Variants in NRXN1 observed in about 807,000 individuals in gnomAD.
The protein encoded by NRXN1 is neurexin-1.
A neutral mutation model predicts 150.9 loss-of-function variants in NRXN1; 39 were observed. The ratio of observed to expected loss-of-function variants is 0.26; its 90% CI spans 0.20 to 0.34. NRXN1 has a LOEUF of 0.34. Among genes scored for constraint, NRXN1 ranks in the 10% least tolerant of loss-of-function variants. The pLI is 1.00. For missense variants in NRXN1, 1,815 were observed against 1,949.9 expected, an observed-to-expected ratio of 0.93 and a Z score of 1.30; for synonymous variants, 924 against 757.0, an observed-to-expected ratio of 1.22 and a Z score of -3.62.
intron 8 of NRXN1, among the ~76,000 whole-genome samples, chr2:50,609,636 G>C (rs1388460990): frequency 1.3e-5 from 2 of 152,012 alleles, no homozygotes; most frequent in African/African-American, 4.8e-5. Context: ...TTGGAATCTG[G>C]GAGTGTCTGA....
intron 17 of NRXN1, among the ~76,000 whole-genome samples, chr2:50,419,448 T>G (rs1018484080): frequency 5.3e-5 from 8 of 152,208 alleles, no homozygotes; most frequent in African/African-American, 1.9e-4. Context: ...TAAAAGTATT[T>G]CTTGCTAATA....
chr2:50,420,049 G>T (rs1199949515), intron 17 of NRXN1, among the ~76,000 whole-genome samples: 1 of 151,948 alleles, frequency 6.6e-6, no homozygotes, highest in Non-Finnish European at 1.5e-5. Flanking sequence ...TTTGGGGAAG[G>T]AATAAAAGAG....
chr2:51,020,640 G>A (rs900825170), intron 2 of NRXN1, among the ~76,000 whole-genome samples: 1 of 151,916 alleles, frequency 6.6e-6, no homozygotes, highest in Non-Finnish European at 1.5e-5. Context: ...AATCTGTGAA[G>A]TAGGCTGGCA....
At chr2:50,178,056 A>C (rs1471375439) in intron 18 of NRXN1, among the ~76,000 whole-genome samples, 1 of 152,078 alleles carries the variant, frequency 6.6e-6, no homozygotes, top group East Asian at 1.9e-4. Flanking sequence ...TAGAAGATAC[A>C]TGTATTCTCT....
chr2:50,762,525 C>A (rs776658110), intron 5 of NRXN1, among the ~76,000 whole-genome samples: 2 of 151,706 alleles, frequency 1.3e-5, no homozygotes, highest in African/African-American at 4.8e-5. Context: ...CTGTGTCTAC[C>A]GTTGTCATCT....
At chr2:50,735,867 T>C (rs1698676011) in intron 5 of NRXN1, among the ~76,000 whole-genome samples, 1 of 152,170 alleles carries the variant, frequency 6.6e-6, no homozygotes, top group Non-Finnish European at 1.5e-5. Context: ...CAACTTTCCA[T>C]TTTTACTACC....
At chr2:50,409,955 C>G (rs1432912892) in intron 17 of NRXN1, among the ~76,000 whole-genome samples, 1 of 152,142 alleles carries the variant, frequency 6.6e-6, no homozygotes, top group Non-Finnish European at 1.5e-5. Flanking sequence ...TATTTTCAAG[C>G]CTTCCCTAAA....
chr2:50,569,652 T>C (rs567652437), intron 8 of NRXN1, among the ~76,000 whole-genome samples: 4 of 152,262 alleles, frequency 2.6e-5, no homozygotes, highest in Admixed American at 1.3e-4. Flanking sequence ...TTCACCCGTC[T>C]ACAGGCCAAA....
chr2:50,904,368 T>C (rs773002814), intron 5 of NRXN1, among the ~76,000 whole-genome samples: 9 of 152,304 alleles, frequency 5.9e-5, no homozygotes, highest in Non-Finnish European at 1.0e-4. Context: ...AAAAGGTATC[T>C]TGAAATCCCT....
chr2:50,681,077 G>A (rs1323121423), intron 5 of NRXN1, among the ~76,000 whole-genome samples: 3 of 152,088 alleles, frequency 2.0e-5, no homozygotes, highest in Non-Finnish European at 4.4e-5. Flanking sequence ...TCTACCAACA[G>A]CCAAGACATT....
chr2:50,417,998 A>C (rs535225415), intron 17 of NRXN1, among the ~76,000 whole-genome samples: 1 of 152,176 alleles, frequency 6.6e-6, no homozygotes, highest in African/African-American at 2.4e-5. Context: ...CAGAAAAATA[A>C]AATGACCAAA....
At chr2:50,971,721 T>A (rs1282583232) in intron 2 of NRXN1, among the ~76,000 whole-genome samples, 1 of 152,184 alleles carries the variant, frequency 6.6e-6, no homozygotes, top group Non-Finnish European at 1.5e-5. Context: ...TTTTATGACA[T>A]TTACACCTTT....
intron 2 of NRXN1, among the ~76,000 whole-genome samples, chr2:50,971,021 A>G (rs1694909771): frequency 6.6e-6 from 1 of 152,156 alleles, no homozygotes; most frequent in South Asian, 2.1e-4. Context: ...AGGTGACTTT[A>G]AAATTGTTGC....
intron 21 of NRXN1, among the ~76,000 whole-genome samples, chr2:49,958,699 C>A (rs982057248): frequency 6.6e-6 from 1 of 152,086 alleles, no homozygotes; most frequent in African/African-American, 2.4e-5. Context: ...TTTATGAGCA[C>A]GAGGGCTGGA....
intron 5 of NRXN1, among the ~76,000 whole-genome samples, chr2:50,767,387 T>C (rs959373918): frequency 4.6e-5 from 7 of 152,106 alleles, no homozygotes; most frequent in Admixed American, 4.6e-4. Flanking sequence ...TTGAATTCAT[T>C]AATTTTAAAA....
intron 19 of NRXN1, among the ~76,000 whole-genome samples, chr2:50,079,394 G>A (rs1266689809): frequency 6.6e-6 from 1 of 151,924 alleles, no homozygotes. Context: ...TGTTGCTTTT[G>A]AGCTATAATG....
chr2:50,617,134 C>T (rs972648155), intron 8 of NRXN1, among the ~76,000 whole-genome samples: 1 of 152,094 alleles, frequency 6.6e-6, no homozygotes, highest in African/African-American at 2.4e-5. Flanking sequence ...CTATCAACAA[C>T]TAAAAAGCCC....
chr2:50,489,289 A>T (rs1192709807), intron 15 of NRXN1, among the ~76,000 whole-genome samples: 2 of 152,128 alleles, frequency 1.3e-5, no homozygotes, highest in Non-Finnish European at 2.9e-5. Context: ...TGCAAATGGG[A>T]TGGGTTGGGA....
At chr2:49,963,418 T>C (rs938022478) in intron 21 of NRXN1, among the ~76,000 whole-genome samples, 3 of 152,158 alleles carry the variant, frequency 2.0e-5, no homozygotes. Context: ...AGCAAGAGAA[T>C]GAGCAGAAGG....
Sources: gnomAD v4.1 joint callset for allele counts (sites outside exome capture counted in the v4.1 genomes callset) on GRCh38, gnomAD v4.1.1 for gene constraint, MANE v1.5 for transcripts, NCBI Gene and HGNC (gene_info 2026-07-23, HGNC 2026-07-21) for gene names.